The following NFIB variants were observed in gnomAD, a reference collection of about 807,000 sequenced individuals.
NFIB encodes nuclear factor 1 B-type.
In NFIB, 11 loss-of-function variants were observed where a neutral mutation model predicts 61.5. The observed-to-expected ratio is 0.18, with a 90% CI of 0.11 to 0.30. NFIB has a LOEUF of 0.30. Ranked by LOEUF, NFIB falls within the 10% of genes least tolerant of loss-of-function variation. The probability of loss-of-function intolerance (pLI) is 1.00; values close to 1 mark genes in which losing one functional copy is unlikely to be tolerated. For synonymous variants in NFIB, 260 were observed against 216.5 expected (o/e 1.20, Z -1.76); for missense variants, 471 against 608.9 (o/e 0.77, Z 2.38).
At chr9:14,428,423 G>C in the NFIB span, among the ~76,000 whole-genome samples, 52 of 152,256 alleles carry the variant, frequency 3.4e-4, no homozygotes, top group African/African-American at 1.2e-3. Context: ...CCTGAAGCTA[G>C]CTGTATCTAG....
Position 14,084,581 on chromosome 9 carries a change from C to T in NFIB, c.*3728G>A, listed in dbSNP as rs976141715. 7 of 228,528 alleles carry T rather than the reference C, an allele frequency of 3.1e-5. No homozygotes were observed. The highest frequency in any genetic ancestry group is 1.6e-4 in the African/African-American group (7 of 45,024). The allele number at this position is 228,528 out of a possible 1,614,324, so 14.2% of individuals were successfully genotyped here. On this transcript the variant is annotated 3_prime_UTR_variant, in exon 11 of 11. Transcript: ENST00000380953. ...CCAGGGGTAACACGCTTCAGAGGCA[C>T]TGTGAGTGGTGGGTGGCAGGGCAGC... is the stretch of plus-strand genomic sequence containing the variant.
the NFIB span, among the ~76,000 whole-genome samples, chr9:14,462,612 A>T: frequency 6.6e-6 from 1 of 152,120 alleles, no homozygotes; most frequent in Non-Finnish European, 1.5e-5. Context: ...CCATCACTGG[A>T]GTCTTCCAGA....
chr9:14,395,309 A>AAAAAAAAAAAAACCT (rs2061671689), intron 1 of NFIB, among the ~76,000 whole-genome samples: 1 of 141,308 alleles, frequency 7.1e-6, no homozygotes, highest in Non-Finnish European at 1.5e-5. Flanking sequence ...GGGACAGCCA[A>AAAAAAAAAAAAACCT]AAAAAAAAAA....
chr9:14,275,772 T>C (rs545402087), intron 2 of NFIB, among the ~76,000 whole-genome samples: 68 of 152,204 alleles, frequency 4.5e-4, no homozygotes, highest in African/African-American at 1.5e-3. Context: ...AATAGATAAA[T>C]ACGGCAGTAA....
the NFIB span, among the ~76,000 whole-genome samples, chr9:14,440,608 A>AG: frequency 6.6e-6 from 1 of 152,224 alleles, no homozygotes. Flanking sequence ...ACTGCTGTCC[A>AG]ACTGATCAGA....
the NFIB span, among the ~76,000 whole-genome samples, chr9:14,485,987 G>A: frequency 6.6e-6 from 1 of 152,090 alleles, no homozygotes; most frequent in African/African-American, 2.4e-5. Flanking sequence ...ATATAAAATA[G>A]TGCTATAAGT....
chr9:14,461,128 C>T, the NFIB span, among the ~76,000 whole-genome samples: 4 of 152,162 alleles, frequency 2.6e-5, no homozygotes, highest in African/African-American at 9.6e-5. Context: ...CCACACTGTT[C>T]TCTGCAATTG....
At chr9:14,147,380 G>A (rs2042381115) in intron 5 of NFIB, among the ~76,000 whole-genome samples, 1 of 152,064 alleles carries the variant, frequency 6.6e-6, no homozygotes, top group Admixed American at 6.6e-5. Context: ...AAGGCAGACG[G>A]TTGGAAGAGT....
chr9:14,503,381 C>T, the NFIB span, among the ~76,000 whole-genome samples: 8 of 152,158 alleles, frequency 5.3e-5, no homozygotes, highest in African/African-American at 1.9e-4. Flanking sequence ...TTTTCCACAG[C>T]GGTTGTGCTA....
intron 1 of NFIB, among the ~76,000 whole-genome samples, chr9:14,373,998 C>T (rs986368767): frequency 6.6e-6 from 1 of 152,144 alleles, no homozygotes; most frequent in African/African-American, 2.4e-5. Flanking sequence ...ACTGAGTATG[C>T]GTTAGTTGGA....
intron 8 of NFIB, among the ~76,000 whole-genome samples, chr9:14,119,712 A>C (rs35385279): frequency 0.19 from 28,393 of 152,158 alleles, 2,934 homozygotes; most frequent in South Asian, 0.37. Flanking sequence ...TAGATATTAC[A>C]ATTATTGATA....
intron 7 of NFIB, 71 bp downstream of exon 7, chr9:14,125,561 G>T: frequency 6.4e-7 from 1 of 1,571,046 alleles, no homozygotes; most frequent in Non-Finnish European, 8.6e-7. Context: ...ATAAACTTTT[G>T]CTCCGTCCCT....
At chr9:14,188,608 T>C (rs1175346107) in intron 2 of NFIB, among the ~76,000 whole-genome samples, 6 of 152,268 alleles carry the variant, frequency 3.9e-5, no homozygotes, top group South Asian at 2.1e-4. Flanking sequence ...TAATCTTTCA[T>C]AAATGCTGCC....
intron 2 of NFIB, among the ~76,000 whole-genome samples, chr9:14,262,845 C>G (rs1257358114): frequency 1.3e-5 from 2 of 152,050 alleles, no homozygotes; most frequent in Non-Finnish European, 2.9e-5. Context: ...ATGAAACTGG[C>G]AAGTTTTGAG....
At chr9:14,434,081 T>G in the NFIB span, among the ~76,000 whole-genome samples, 1 of 152,238 alleles carries the variant, frequency 6.6e-6, no homozygotes, top group African/African-American at 2.4e-5. Context: ...GTGGAAACAC[T>G]GCCATCTATT....
At chr9:14,422,160 A>T in the NFIB span, among the ~76,000 whole-genome samples, 1 of 152,236 alleles carries the variant, frequency 6.6e-6, no homozygotes, top group African/African-American at 2.4e-5. Context: ...AACATGACAA[A>T]GGAGACTCCG....
At chr9:14,295,997 C>T (rs1350984518) in intron 2 of NFIB, among the ~76,000 whole-genome samples, 9 of 152,184 alleles carry the variant, frequency 5.9e-5, no homozygotes, top group Admixed American at 2.6e-4. Flanking sequence ...TAAAACTACA[C>T]ACAACTAGCT....
At chr9:14,405,298 T>C in the NFIB span, among the ~76,000 whole-genome samples, 41,922 of 152,132 alleles carry the variant, frequency 0.28, 7,317 homozygotes, top group African/African-American at 0.49. Context: ...AAAAAACTTC[T>C]ATTGTATTAT....
chr9:14,300,857 T>G (rs138320550), intron 2 of NFIB, among the ~76,000 whole-genome samples: 1 of 152,182 alleles, frequency 6.6e-6, no homozygotes, highest in Non-Finnish European at 1.5e-5. Flanking sequence ...AGTTTTTCAG[T>G]TTAATCTGGC....
Sources: gnomAD v4.1 joint callset for allele counts (sites outside exome capture counted in the v4.1 genomes callset) on GRCh38, gnomAD v4.1.1 for gene constraint, MANE v1.5 for transcripts, NCBI Gene and HGNC (gene_info 2026-07-23, HGNC 2026-07-21) for gene names.